The following HDAC9 variants were observed in gnomAD, a reference collection of about 807,000 sequenced individuals.
HDAC9 encodes MEF-2 interacting transcription repressor (MITR) protein.
In HDAC9, 41 loss-of-function variants were observed where a neutral mutation model predicts 139.4. The ratio of observed to expected loss-of-function variants is 0.29; its 90% confidence interval spans 0.23 to 0.38. The LOEUF (loss-of-function observed/expected upper bound fraction) is 0.38. HDAC9 is among the 10% of genes least tolerant of loss of function. The pLI is 1.00. For missense variants in HDAC9, 1,147 were observed against 1,297.0 expected, an observed-to-expected ratio of 0.88 and a Z score of 1.78; for synonymous variants, 517 against 476.2, an observed-to-expected ratio of 1.09 and a Z score of -1.12.
chr7:18,641,978 A>T (rs936978881), intron 8 of HDAC9, among the ~76,000 whole-genome samples: 19 of 152,102 alleles, frequency 1.2e-4, no homozygotes, highest in Non-Finnish European at 2.4e-4. Flanking sequence ...AAAGAAAATA[A>T]TTCAAGGGAA....
chr7:18,183,098 C>T (rs1346705208), intron 2 of HDAC9, among the ~76,000 whole-genome samples: 1 of 151,904 alleles, frequency 6.6e-6, no homozygotes, highest in Non-Finnish European at 1.5e-5. Context: ...CAAGCTCCGC[C>T]TCCTGGGTTC....
chr7:18,581,958 G>A (rs1394535929), intron 2 of HDAC9, among the ~76,000 whole-genome samples: 2 of 152,210 alleles, frequency 1.3e-5, no homozygotes, highest in East Asian at 3.9e-4. Context: ...GACACATAAA[G>A]TACCATCAAT....
chr7:18,378,361 G>A (rs951412621), intron 1 of HDAC9, among the ~76,000 whole-genome samples: 16 of 151,834 alleles, frequency 1.1e-4, no homozygotes, highest in African/African-American at 3.4e-4. Flanking sequence ...ATATTAAAAA[G>A]TTTATTTTTA....
intron 22 of HDAC9, among the ~76,000 whole-genome samples, chr7:18,917,145 A>G (rs1354965523): frequency 6.6e-6 from 1 of 152,022 alleles, no homozygotes; most frequent in Non-Finnish European, 1.5e-5. Context: ...AAGCTCGCAA[A>G]TATGAAATCA....
chr7:18,557,548 A>G (rs930905545), intron 2 of HDAC9, among the ~76,000 whole-genome samples: 1 of 150,914 alleles, frequency 6.6e-6, no homozygotes, highest in African/African-American at 2.4e-5. Context: ...AATACACAGA[A>G]TCTGTTACTA....
At chr7:18,318,137 G>A (rs1799786013) in intron 1 of HDAC9, among the ~76,000 whole-genome samples, 2 of 152,188 alleles carry the variant, frequency 1.3e-5, no homozygotes, top group Non-Finnish European at 2.9e-5. Flanking sequence ...CTCCTAGGGA[G>A]GTGTTAGAAT....
chr7:18,966,130 G>A (rs969274281), intron 24 of HDAC9, among the ~76,000 whole-genome samples: 2 of 152,200 alleles, frequency 1.3e-5, no homozygotes, highest in Non-Finnish European at 1.5e-5. Flanking sequence ...TATGAGAAAT[G>A]CGTGGAAAGT....
intron 1 of HDAC9, among the ~76,000 whole-genome samples, chr7:18,386,724 A>G (rs980364379): frequency 2.6e-5 from 4 of 152,164 alleles, no homozygotes; most frequent in Non-Finnish European, 5.9e-5. Context: ...AGACTGTTCT[A>G]TTGCTATAGT....
At chr7:18,575,014 A>G (rs1297222698) in intron 2 of HDAC9, among the ~76,000 whole-genome samples, 1 of 152,186 alleles carries the variant, frequency 6.6e-6, no homozygotes, top group Non-Finnish European at 1.5e-5. Flanking sequence ...GGCTCCATGG[A>G]GTGGGCAGCC....
intron 1 of HDAC9, among the ~76,000 whole-genome samples, chr7:18,443,827 C>CACATTTGTATAA (rs1484230759): frequency 6.6e-6 from 1 of 151,066 alleles, no homozygotes; most frequent in Non-Finnish European, 1.5e-5. Context: ...TATATATATA[C>CACATTTGTATAA]ACATTTGTAT....
chr7:18,748,440 T>C (rs1175007465), intron 13 of HDAC9, among the ~76,000 whole-genome samples: 1 of 152,180 alleles, frequency 6.6e-6, no homozygotes, highest in African/African-American at 2.4e-5. Flanking sequence ...ACATAAATTA[T>C]GGGGAGAAAC....
At chr7:18,308,269 G>A (rs1042081160) in intron 1 of HDAC9, among the ~76,000 whole-genome samples, 4 of 152,260 alleles carry the variant, frequency 2.6e-5, no homozygotes, top group South Asian at 4.1e-4. Context: ...CCAAGCCTAC[G>A]TAGAATACTT....
Position 18,727,444 on chromosome 7 carries a change from AT to A in HDAC9, c.1732-126del, listed in dbSNP as rs879798285. The A allele has an allele frequency of 2.0e-3, 1,231 of 623,570 alleles. 1 individual carries two copies. Among genetic ancestry groups the A allele is most frequent in the Middle Eastern group, 2.5e-3 (6 of 2,444 alleles). The allele number at this position is 623,570 out of a possible 1,614,324, so 38.6% of individuals were successfully genotyped here. ...TCTTGTTTTTTCTCTCCCTTTCTCT[AT>A]TTTTTTTTTCTTTTTCCTTCACACC... On this transcript the variant is annotated intron_variant, in intron 12 of 25. Transcript: ENST00000686413.
chr7:18,658,908 A>AAAAC (rs1554312160), intron 11 of HDAC9, among the ~76,000 whole-genome samples: 16 of 151,512 alleles, frequency 1.1e-4, no homozygotes, highest in African/African-American at 3.1e-4. Context: ...GCAAAAAAAA[A>AAAAC]AAAAACAAAA....
intron 1 of HDAC9, among the ~76,000 whole-genome samples, chr7:18,305,524 G>T (rs1310148730): frequency 1.3e-5 from 2 of 152,036 alleles, no homozygotes; most frequent in Non-Finnish European, 2.9e-5. Context: ...TTCTTCCACT[G>T]TACCAACCCA....
chr7:18,648,230 G>A (rs1254123060), intron 10 of HDAC9, among the ~76,000 whole-genome samples: 1 of 152,082 alleles, frequency 6.6e-6, no homozygotes, highest in African/African-American at 2.4e-5. Context: ...CTAGGCTGTG[G>A]TGAGTCGTAT....
chr7:18,855,646 G>T (rs1797620808), intron 21 of HDAC9, among the ~76,000 whole-genome samples: 1 of 151,924 alleles, frequency 6.6e-6, no homozygotes, highest in Non-Finnish European at 1.5e-5. Flanking sequence ...TTAGGCTGTG[G>T]TTGTTAGCCC....
intron 8 of HDAC9, among the ~76,000 whole-genome samples, chr7:18,639,810 T>C (rs1358032274): frequency 3.3e-5 from 5 of 152,020 alleles, no homozygotes; most frequent in Non-Finnish European, 7.4e-5. Context: ...GCCATTCTAA[T>C]AGACACACAT....
intron 6 of HDAC9, among the ~76,000 whole-genome samples, chr7:18,611,513 C>A (rs956280253): frequency 6.6e-6 from 1 of 151,958 alleles, no homozygotes; most frequent in East Asian, 1.9e-4. Flanking sequence ...ATGAGAGAAC[C>A]GTCACAGAGA....
Sources: allele counts gnomAD v4.1 joint callset (sites outside exome capture counted in the v4.1 genomes callset), GRCh38; gene constraint gnomAD v4.1.1; transcripts MANE v1.5; gene names NCBI Gene and HGNC (gene_info 2026-07-23, HGNC 2026-07-21).